Variants in ADGRA1 observed in about 807,000 individuals in gnomAD.
ADGRA1 encodes the protein adhesion G protein-coupled receptor A1.
Under a neutral mutation model 21.3 loss-of-function variants are expected in ADGRA1, and 12 were observed. That is an observed-to-expected ratio of 0.56 (90% CI 0.36 to 0.91). ADGRA1 has a LOEUF of 0.91. Ranked by LOEUF, ADGRA1 falls within the 40% of genes least tolerant of loss-of-function variation. The pLI, the probability that ADGRA1 is intolerant of heterozygous loss-of-function variation, is 0.01. For missense variants in ADGRA1, 790 were observed against 805.6 expected, an observed-to-expected ratio of 0.98 and a Z score of 0.23; for synonymous variants, 385 against 368.8, an observed-to-expected ratio of 1.04 and a Z score of -0.50.
At chr10:133,107,452 T>C (rs1331397194) in intron 5 of ADGRA1, among the ~76,000 whole-genome samples, 1 of 152,216 alleles carries the variant, frequency 6.6e-6, no homozygotes, top group African/African-American at 2.4e-5. Context: ...AAGAGCCAGT[T>C]TGAGTTTCAT....
At chr10:133,096,646 G>C (rs573862114) in intron 2 of ADGRA1, among the ~76,000 whole-genome samples, 8 of 152,376 alleles carry the variant, frequency 5.3e-5, no homozygotes, top group Admixed American at 5.2e-4. Context: ...GAAGAGAGGA[G>C]GCTGGAGGCA....
chr10:133,118,980 CCACA>C (rs906716494), intron 5 of ADGRA1, among the ~76,000 whole-genome samples: 2 of 151,750 alleles, frequency 1.3e-5, no homozygotes, highest in Non-Finnish European at 2.9e-5. Context: ...CACACACGCA[CCACA>C]CACACACTTG....
At position 133,106,826 on chromosome 10, in the gene ADGRA1, C is replaced by T. The variant is rs189342895; in HGVS notation, c.401+3984C>T. Among the ~76,000 whole-genome samples, 192 of 152,378 alleles carry T rather than the reference C, an allele frequency of 1.3e-3. 2 individuals carry two copies. The highest frequency in any genetic ancestry group is 2.0e-3 in the Non-Finnish European group (135 of 68,044). On this transcript the variant is annotated intron_variant, in intron 5 of 6. Transcript: ENST00000392607. ...ATGTCTCTGCACACAGTCTCACCCC[C>T]GCGGCTCAGAGTGCCCATCGCGGGC...
At chr10:133,100,308 C>T (rs1311567357) in intron 4 of ADGRA1, among the ~76,000 whole-genome samples, 5 of 152,220 alleles carry the variant, frequency 3.3e-5, no homozygotes, top group East Asian at 3.9e-4. Flanking sequence ...AGCAAGTGCC[C>T]GGGAAACGCC....
chr10:133,092,844 G>GGAAGGAAGGAAGGAAGGAA, intron 2 of ADGRA1, among the ~76,000 whole-genome samples: 2 of 146,754 alleles, frequency 1.4e-5, no homozygotes, highest in Non-Finnish European at 3.0e-5. Flanking sequence ...AGGGAGGGAA[G>GGAAGGAAGGAAGGAAGGAA]GAAGGAAGGA....
At position 133,124,972 on chromosome 10, in the gene ADGRA1, G is replaced by A. The variant is rs554485058; in HGVS notation, c.402-2261G>A. ...AGCCCGGAGCCGGTGGTGCGCCGTG[G>A]GTCCGTCCTGCACCACTCCTGTGTG... is the stretch of plus-strand genomic sequence containing the variant. On this transcript the variant is annotated intron_variant, in intron 5 of 6. Coordinates refer to ENST00000392607, the MANE Select transcript of ADGRA1 (RefSeq NM_001083909.3). Among the ~76,000 whole-genome samples the A allele has an allele frequency of 3.8e-3, 580 of 152,278 alleles. 4 individuals carry two copies. Among genetic ancestry groups the A allele is most frequent in the African/African-American group, 0.013 (557 of 41,552 alleles).
chr10:133,109,160 C>T (rs571538719), intron 5 of ADGRA1, among the ~76,000 whole-genome samples: 39 of 152,008 alleles, frequency 2.6e-4, no homozygotes, highest in Admixed American at 4.6e-4. Flanking sequence ...GCACTGCTCT[C>T]CCAGCATTCG....
intron 5 of ADGRA1, among the ~76,000 whole-genome samples, chr10:133,113,828 G>T (rs1422078563): frequency 6.6e-6 from 1 of 152,238 alleles, no homozygotes; most frequent in Non-Finnish European, 1.5e-5. Context: ...CTGTGAAGCA[G>T]CCTCCCGCCC....
intron 2 of ADGRA1, among the ~76,000 whole-genome samples, chr10:133,096,043 C>T (rs140673239): frequency 6.6e-6 from 1 of 152,378 alleles, no homozygotes; most frequent in Non-Finnish European, 1.5e-5. Flanking sequence ...ACATGGCACC[C>T]ACCCTGCTCG....
chr10:133,130,778 TCACA>T lies in ADGRA1; in HGVS notation c.*1272_*1275del, dbSNP rs910471081. 1.6e-5 allele frequency: 2 copies of T among 126,120 alleles called. No homozygotes were observed. Among genetic ancestry groups the T allele is most frequent in the African/African-American group, 6.3e-5 (2 of 31,826 alleles). 7.8% of individuals were successfully genotyped at this position (126,120 alleles called of 1,614,324 possible). ...ATGCACACACACAAACACGTGCATA[TCACA>T]CACATGCACACAAACGTGCATATCA... On this transcript the variant is annotated 3_prime_UTR_variant, in exon 7 of 7. Coordinates refer to ENST00000392607, the MANE Select transcript of ADGRA1 (RefSeq NM_001083909.3).
At chr10:133,101,657 C>A (rs1851797388) in intron 4 of ADGRA1, among the ~76,000 whole-genome samples, 1 of 152,216 alleles carries the variant, frequency 6.6e-6, no homozygotes, top group South Asian at 2.1e-4. Flanking sequence ...GTGGGGGCTG[C>A]CTCTGCCCTA....
chr10:133,123,876 A>G (rs1255560263), intron 5 of ADGRA1, among the ~76,000 whole-genome samples: 1 of 152,114 alleles, frequency 6.6e-6, no homozygotes, highest in Non-Finnish European at 1.5e-5. Flanking sequence ...CAAACAACCC[A>G]GGGCAGTCTC....
At chr10:133,091,525 G>A (rs1045408564) in intron 2 of ADGRA1, among the ~76,000 whole-genome samples, 10 of 152,254 alleles carry the variant, frequency 6.6e-5, no homozygotes, top group Admixed American at 2.6e-4. Flanking sequence ...ACCATTGCCT[G>A]GTTAGCATCT....
chr10:133,112,714 C>A (rs1852073464), intron 5 of ADGRA1, among the ~76,000 whole-genome samples: 1 of 147,362 alleles, frequency 6.8e-6, no homozygotes, highest in Non-Finnish European at 1.5e-5. Flanking sequence ...TATTTGGGGT[C>A]TGCGGGCCGC....
chr10:133,088,070 G>A lies in ADGRA1; in HGVS notation c.-271G>A. On this transcript the variant is annotated 5_prime_UTR_variant, in exon 1 of 7. Coordinates refer to ENST00000392607, the MANE Select transcript of ADGRA1 (RefSeq NM_001083909.3). Reference sequence around the variant, plus strand: ...CGAATGGAGAGCGGGTCCCCGGCGGGGGGAGCGCAGCGCGTCTGTCTCCGG... The same window carrying A: ...CGAATGGAGAGCGGGTCCCCGGCGGAGGGAGCGCAGCGCGTCTGTCTCCGG... 15 of 985,224 alleles carry A rather than the reference G, an allele frequency of 1.5e-5. No homozygotes were observed. Among genetic ancestry groups the A allele is most frequent in the Non-Finnish European group, 1.8e-5 (15 of 829,856 alleles). The allele number at this position is 985,224 out of a possible 1,614,324, so 61.0% of individuals were successfully genotyped here. A position where few individuals can be genotyped will look rare whatever the true frequency, so the allele number is the denominator to read the frequency against.
At chr10:133,115,183 C>G (rs1852133644) in intron 5 of ADGRA1, among the ~76,000 whole-genome samples, 1 of 152,122 alleles carries the variant, frequency 6.6e-6, no homozygotes, top group Non-Finnish European at 1.5e-5. Context: ...CTGGGCCTCA[C>G]CCATCGCCTG....
chr10:133,105,674 C>T (rs546568917), intron 5 of ADGRA1, among the ~76,000 whole-genome samples: 1 of 152,358 alleles, frequency 6.6e-6, no homozygotes, highest in African/African-American at 2.4e-5. Flanking sequence ...GACCTCCCCT[C>T]TCCACAAGAC....
At chr10:133,108,148 C>T (rs931086783) in intron 5 of ADGRA1, among the ~76,000 whole-genome samples, 12 of 152,222 alleles carry the variant, frequency 7.9e-5, no homozygotes, top group African/African-American at 1.9e-4. Flanking sequence ...CAGACCTCCC[C>T]GAGCACACCT....
In ADGRA1 at chr10:133,087,937, C is replaced by G. The variant is rs1851528923; in HGVS notation, c.-404C>G. 1.0e-6 allele frequency: 1 copy of G among 984,950 alleles called. No homozygotes were observed. The highest frequency in any genetic ancestry group is 1.2e-6 in the Non-Finnish European group (1 of 829,800). The allele number at this position is 984,950 out of a possible 1,614,324, so 61.0% of individuals were successfully genotyped here. A position where few individuals can be genotyped will look rare whatever the true frequency, so the allele number is the denominator to read the frequency against. On this transcript the variant is annotated 5_prime_UTR_variant, in exon 1 of 7. Transcript: ENST00000392607. Reference sequence around the variant, plus strand: ...CGGGAGGTGCGCGCAGAGGCGGCGGCGCTGCTGGCCGGGCTGGGCCGCTCG... The same window carrying G: ...CGGGAGGTGCGCGCAGAGGCGGCGGGGCTGCTGGCCGGGCTGGGCCGCTCG...
Sources: gnomAD v4.1 joint callset for allele counts (sites outside exome capture counted in the v4.1 genomes callset) on GRCh38, gnomAD v4.1.1 for gene constraint, MANE v1.5 for transcripts, NCBI Gene and HGNC (gene_info 2026-07-23, HGNC 2026-07-21) for gene names.